CNTNAP5: variants seen among roughly 807,000 people sequenced by gnomAD.
The protein encoded by CNTNAP5 is contactin-associated protein-like 5.
Under a neutral mutation model 150.2 loss-of-function variants are expected in CNTNAP5, and 72 were observed. The observed-to-expected ratio is 0.48, with a 90% CI of 0.40 to 0.58. CNTNAP5 has a LOEUF of 0.58. Among genes scored for constraint, CNTNAP5 ranks in the 20% least tolerant of loss-of-function variants. The probability of loss-of-function intolerance (pLI) is 0.00; values close to 1 mark genes in which losing one functional copy is unlikely to be tolerated. For synonymous variants in CNTNAP5, 672 were observed against 619.8 expected (o/e 1.08, Z -1.25); for missense variants, 1,636 against 1,626.2 (o/e 1.01, Z -0.10).
chr2:124,913,407 G>A (rs1678696674), intron 23 of CNTNAP5, among the ~76,000 whole-genome samples: 1 of 152,002 alleles, frequency 6.6e-6, no homozygotes, highest in Non-Finnish European at 1.5e-5. Flanking sequence ...ACATAATCCA[G>A]TTAAATCACA....
chr2:124,857,785 C>T (rs971047987), intron 19 of CNTNAP5, among the ~76,000 whole-genome samples: 9 of 151,954 alleles, frequency 5.9e-5, no homozygotes, highest in Admixed American at 3.3e-4. Flanking sequence ...TGAGATCGCA[C>T]CACTGTACTC....
At chr2:124,422,477 G>A (rs2104782630) in intron 4 of CNTNAP5, among the ~76,000 whole-genome samples, 1 of 152,154 alleles carries the variant, frequency 6.6e-6, no homozygotes, top group Non-Finnish European at 1.5e-5. Context: ...CACTTTTCTT[G>A]TGATTACATG....
At chr2:124,203,205 T>A (rs1405959549) in intron 1 of CNTNAP5, among the ~76,000 whole-genome samples, 2 of 152,076 alleles carry the variant, frequency 1.3e-5, no homozygotes, top group Non-Finnish European at 2.9e-5. Context: ...AGCAGGGGAA[T>A]CAAATCGTAA....
At chr2:124,485,610 C>T in intron 7 of CNTNAP5, among the ~76,000 whole-genome samples, 1 of 51,534 alleles carries the variant, frequency 1.9e-5, no homozygotes, top group Non-Finnish European at 3.5e-5. Context: ...AAGACTCTGT[C>T]TCAAAAAAAA....
intron 3 of CNTNAP5, among the ~76,000 whole-genome samples, chr2:124,298,124 C>T (rs1001792825): frequency 5.3e-5 from 8 of 152,042 alleles, no homozygotes; most frequent in African/African-American, 1.9e-4. Context: ...TATTTACTGG[C>T]ACTCCCTTCT....
At chr2:124,821,067 C>A (rs1027800537) in intron 19 of CNTNAP5, among the ~76,000 whole-genome samples, 5 of 152,196 alleles carry the variant, frequency 3.3e-5, no homozygotes, top group Admixed American at 3.3e-4. Flanking sequence ...CCATGCAGTT[C>A]CCACAAGGTA....
intron 3 of CNTNAP5, among the ~76,000 whole-genome samples, chr2:124,296,280 C>T (rs1688430005): frequency 6.6e-6 from 1 of 152,210 alleles, no homozygotes; most frequent in Non-Finnish European, 1.5e-5. Context: ...GGTGGCCATT[C>T]ACCATCTTGT....
intron 8 of CNTNAP5, among the ~76,000 whole-genome samples, chr2:124,517,869 G>T (rs1399887766): frequency 6.6e-6 from 1 of 151,492 alleles, no homozygotes; most frequent in African/African-American, 2.4e-5. Flanking sequence ...GATGATGGAG[G>T]GTTGTAGTGT....
chr2:124,680,802 C>A (rs1338737424), intron 13 of CNTNAP5: 2 of 151,682 alleles, frequency 1.3e-5, no homozygotes, highest in Non-Finnish European at 2.9e-5. Context: ...AAAGCGCATG[C>A]AATATATATT....
chr2:124,744,369 T>A (rs1164322268), intron 13 of CNTNAP5, among the ~76,000 whole-genome samples: 1 of 152,208 alleles, frequency 6.6e-6, no homozygotes, highest in Non-Finnish European at 1.5e-5. Context: ...CCATTAATCC[T>A]CTTTTTCTTT....
chr2:124,735,055 C>T (rs1374120366), intron 13 of CNTNAP5, among the ~76,000 whole-genome samples: 3 of 152,112 alleles, frequency 2.0e-5, no homozygotes, highest in South Asian at 4.1e-4. Flanking sequence ...TAATGTATGG[C>T]TGTGTGATAT....
intron 6 of CNTNAP5, among the ~76,000 whole-genome samples, chr2:124,452,299 A>G (rs1451488854): frequency 6.6e-6 from 1 of 152,000 alleles, no homozygotes; most frequent in African/African-American, 2.4e-5. Context: ...AACCTGCATG[A>G]CACAGCAAAG....
chr2:124,849,872 T>A (rs1683120650), intron 19 of CNTNAP5, among the ~76,000 whole-genome samples: 1 of 152,152 alleles, frequency 6.6e-6, no homozygotes, highest in African/African-American at 2.4e-5. Flanking sequence ...ATTTAAATAA[T>A]TTTCATTAAA....
At chr2:124,654,050 T>A (rs1678382779) in intron 13 of CNTNAP5, among the ~76,000 whole-genome samples, 1 of 152,000 alleles carries the variant, frequency 6.6e-6, no homozygotes, top group Non-Finnish European at 1.5e-5. Context: ...CCTCCCAGTG[T>A]GCAGGAGCTA....
chr2:124,907,797 A>G (rs905474239), intron 22 of CNTNAP5, among the ~76,000 whole-genome samples: 5 of 150,898 alleles, frequency 3.3e-5, no homozygotes, highest in Non-Finnish European at 1.5e-5. Flanking sequence ...TCCATTAAGC[A>G]TGGATATAGG....
intron 21 of CNTNAP5, among the ~76,000 whole-genome samples, chr2:124,873,454 C>A (rs1480388109): frequency 6.6e-6 from 1 of 152,092 alleles, no homozygotes; most frequent in Non-Finnish European, 1.5e-5. Flanking sequence ...GAATGGGAGA[C>A]ATCTGCTCAC....
At chr2:124,445,670 G>A (rs1009325374) in intron 5 of CNTNAP5, among the ~76,000 whole-genome samples, 1 of 152,150 alleles carries the variant, frequency 6.6e-6, no homozygotes, top group Non-Finnish European at 1.5e-5. Context: ...TCGGGGAAGT[G>A]GCAGCTACCG....
chr2:124,751,668 C>T (rs1490032037), intron 14 of CNTNAP5, among the ~76,000 whole-genome samples: 1 of 152,232 alleles, frequency 6.6e-6, no homozygotes, highest in Non-Finnish European at 1.5e-5. Context: ...ATCAGTGGTG[C>T]TCTGTGTGCC....
intron 1 of CNTNAP5, among the ~76,000 whole-genome samples, chr2:124,171,983 T>G (rs537169272): frequency 6.6e-6 from 1 of 152,242 alleles, no homozygotes; most frequent in Non-Finnish European, 1.5e-5. Context: ...GATTTAGGAA[T>G]TAAGGCTTTA....
Sources: allele counts gnomAD v4.1 joint callset (sites outside exome capture counted in the v4.1 genomes callset), GRCh38; gene constraint gnomAD v4.1.1; transcripts MANE v1.5; gene names NCBI Gene and HGNC (gene_info 2026-07-23, HGNC 2026-07-21).